The following BBOX1 variants were observed in gnomAD, a reference collection of about 807,000 sequenced individuals.
BBOX1 encodes gamma-butyrobetaine dioxygenase.
Under a neutral mutation model 41.6 loss-of-function variants are expected in BBOX1, and 35 were observed. The ratio of observed to expected loss-of-function variants is 0.84; its 90% CI spans 0.64 to 1.11. The LOEUF (loss-of-function observed/expected upper bound fraction) is 1.11, where lower values mean the gene tolerates loss of function less well. Ranked by LOEUF, BBOX1 falls within the 50% of genes most tolerant of loss-of-function variation. The pLI is 0.00. For synonymous variants in BBOX1, 163 were observed against 154.7 expected, an observed-to-expected ratio of 1.05 and a Z score of -0.40; for missense variants, 458 against 460.6, an observed-to-expected ratio of 0.99 and a Z score of 0.05.
At chr11:27,047,918 C>A (rs945854271) in intron 2 of BBOX1, among the ~76,000 whole-genome samples, 1 of 151,978 alleles carries the variant, frequency 6.6e-6, no homozygotes, top group Non-Finnish European at 1.5e-5. Flanking sequence ...GTAATCTTAC[C>A]GTCCATACAA....
intron 4 of BBOX1, among the ~76,000 whole-genome samples, chr11:27,091,658 G>C (rs73432115): frequency 0.066 from 10,067 of 151,892 alleles, 1,116 homozygotes; most frequent in African/African-American, 0.23. Flanking sequence ...GAACTGGAAA[G>C]ACTGTAGTTC....
intron 4 of BBOX1, among the ~76,000 whole-genome samples, chr11:27,088,753 G>A (rs969985329): frequency 6.6e-5 from 10 of 151,912 alleles, no homozygotes; most frequent in Non-Finnish European, 1.2e-4. Flanking sequence ...CAGTCACTTG[G>A]ATTTGACTAA....
In BBOX1 at chr11:27,104,704, A is replaced by G. The variant is rs1287476502; in HGVS notation, c.534-10748A>G. On this transcript the variant is annotated intron_variant, in intron 5 of 8. Transcript: ENST00000263182. Reference sequence around the variant, plus strand: ...AACAAAAGGCAGCAGAAACTTCTGCAGACTTAAATGTCCCTGTCTGACAGC... The same window carrying G: ...AACAAAAGGCAGCAGAAACTTCTGCGGACTTAAATGTCCCTGTCTGACAGC... 2.0e-5 allele frequency among the ~76,000 whole-genome samples: 3 copies of G among 152,208 alleles called. No individual in the cohort carries two copies. In the East Asian group the frequency reaches 5.8e-4, roughly 29 times the overall value.
chr11:27,076,805 G>A (rs560250794), intron 4 of BBOX1, among the ~76,000 whole-genome samples: 1 of 152,108 alleles, frequency 6.6e-6, no homozygotes, highest in Non-Finnish European at 1.5e-5. Context: ...CCAGAGAGAA[G>A]CACAGCTGTC....
intron 2 of BBOX1, among the ~76,000 whole-genome samples, chr11:27,043,476 T>TTTGGG (rs1851402599): frequency 7.9e-5 from 12 of 151,976 alleles, no homozygotes; most frequent in South Asian, 6.2e-4. Flanking sequence ...AATGTGCAGG[T>TTTGGG]ATACACATGC....
chr11:27,054,237 G>GTGCA (rs1491222091), intron 2 of BBOX1, among the ~76,000 whole-genome samples: 5 of 151,104 alleles, frequency 3.3e-5, no homozygotes, highest in Non-Finnish European at 7.4e-5. Flanking sequence ...GTGTGTGTGC[G>GTGCA]TGCACATGTG....
chr11:27,046,788 G>C (rs541635879), intron 2 of BBOX1, among the ~76,000 whole-genome samples: 1 of 151,974 alleles, frequency 6.6e-6, no homozygotes, highest in Admixed American at 6.6e-5. Flanking sequence ...AAATTGCTAT[G>C]GTGCTTCAAC....
At chr11:27,119,506 A>T (rs1859387804) in intron 6 of BBOX1, 143 bp from the exon 7 acceptor site, 1 of 489,134 alleles carries the variant, frequency 2.0e-6, no homozygotes, top group Admixed American at 4.9e-5. Flanking sequence ...TGGTTCATTC[A>T]TAGCTTTTTG....
intron 2 of BBOX1, among the ~76,000 whole-genome samples, chr11:27,045,540 C>A (rs1395757000): frequency 1.3e-5 from 2 of 152,010 alleles, no homozygotes; most frequent in Non-Finnish European, 2.9e-5. Flanking sequence ...AGTTTTTGCC[C>A]ATTCAGTATG....
At chr11:27,051,858 G>C (rs995152797) in intron 2 of BBOX1, among the ~76,000 whole-genome samples, 1 of 150,934 alleles carries the variant, frequency 6.6e-6, no homozygotes, top group Non-Finnish European at 1.5e-5. Flanking sequence ...CTTTTTTCTA[G>C]TTCCTTGAAG....
rs958565161 is a variant in BBOX1 at position 27,074,668 on chromosome 11, T to C, written c.334+17353T>C. Among the ~76,000 whole-genome samples the C allele has an allele frequency of 2.0e-5, 3 of 152,334 alleles. No individual in the cohort carries two copies. The South Asian group carries it at 6.2e-4, about 32-fold the overall frequency. On this transcript the variant is annotated intron_variant, in intron 4 of 8. Transcript: ENST00000263182. The stretch of plus-strand genomic sequence containing the variant: ...TTTCTAAGCAGCAAAGCATTCAAGA[T>C]GTGACCTGGCTGTTTATAAAAGTCT...
At chr11:27,042,887 A>T (rs941205727) in intron 2 of BBOX1, among the ~76,000 whole-genome samples, 16 of 152,218 alleles carry the variant, frequency 1.1e-4, no homozygotes, top group Non-Finnish European at 4.4e-5. Flanking sequence ...CCAAGTAAAA[A>T]TTAATTGATT....
intron 4 of BBOX1, among the ~76,000 whole-genome samples, chr11:27,063,856 T>C (rs1050730117): frequency 7.4e-6 from 1 of 134,354 alleles, no homozygotes; most frequent in Non-Finnish European, 1.7e-5. Context: ...GTCTTGTACA[T>C]GGCAAGAAAA....
intron 4 of BBOX1, among the ~76,000 whole-genome samples, chr11:27,081,571 A>T (rs11828630): frequency 0.073 from 11,173 of 152,146 alleles, 1,352 homozygotes; most frequent in African/African-American, 0.25. Flanking sequence ...GTATATACAT[A>T]GTAATGGGAT....
intron 8 of BBOX1, among the ~76,000 whole-genome samples, chr11:27,126,561 G>A (rs1859659205): frequency 6.6e-6 from 1 of 152,104 alleles, no homozygotes; most frequent in Admixed American, 6.5e-5. Context: ...GGATTCTTAT[G>A]AGGCTTAGAA....
chr11:27,120,405 G>T (rs909113633), intron 7 of BBOX1, among the ~76,000 whole-genome samples: 5 of 152,014 alleles, frequency 3.3e-5, no homozygotes, highest in African/African-American at 1.2e-4. Context: ...AATCATCATG[G>T]CCAGTGGGTT....
intron 4 of BBOX1, among the ~76,000 whole-genome samples, chr11:27,076,147 A>G (rs1052837771): frequency 6.6e-6 from 1 of 152,184 alleles, no homozygotes; most frequent in Non-Finnish European, 1.5e-5. Context: ...CTCTGGGTCT[A>G]GCCACCTAGT....
At chr11:27,072,142 C>T (rs1424883975) in intron 4 of BBOX1, among the ~76,000 whole-genome samples, 1 of 152,156 alleles carries the variant, frequency 6.6e-6, no homozygotes, top group South Asian at 2.1e-4. Context: ...TCCCTGTTTG[C>T]AGATGACATG....
intron 6 of BBOX1, among the ~76,000 whole-genome samples, chr11:27,118,056 A>T (rs577406920): frequency 2.6e-5 from 4 of 152,122 alleles, no homozygotes; most frequent in African/African-American, 4.8e-5. Context: ...CGTACTTTAC[A>T]AACTTCTTAA....
Sources: allele counts gnomAD v4.1 joint callset (sites outside exome capture counted in the v4.1 genomes callset), GRCh38; gene constraint gnomAD v4.1.1; transcripts MANE v1.5; gene names NCBI Gene and HGNC (gene_info 2026-07-23, HGNC 2026-07-21).